POM121C: variants seen among roughly 807,000 people sequenced by gnomAD.
The protein encoded by POM121C is nuclear envelope pore membrane protein POM 121C.
Under a neutral mutation model 66.4 loss-of-function variants are expected in POM121C, and 20 were observed. That is an observed-to-expected ratio of 0.30 (90% CI 0.21 to 0.44). The LOEUF (loss-of-function observed/expected upper bound fraction) is 0.44. Among genes scored for constraint, POM121C ranks in the 20% least tolerant of loss-of-function variants. The pLI is 1.00. For synonymous variants in POM121C, 286 were observed against 528.0 expected (o/e 0.54, Z 6.28); for missense variants, 580 against 1,225.7 (o/e 0.47, Z 7.87).
At chr7:75,476,619 C>T (rs190142816) in intron 1 of POM121C, among the ~76,000 whole-genome samples, 56 of 152,002 alleles carry the variant, frequency 3.7e-4, no homozygotes, top group Middle Eastern at 3.4e-3. Context: ...ATAAAATCAC[C>T]GAGAGAGAGT....
At chr7:75,484,466 C>T in intron 1 of POM121C, 1 of 315,164 alleles carries the variant, frequency 3.2e-6, no homozygotes, top group Non-Finnish European at 5.9e-6. Context: ...AGTGATCCGC[C>T]TGCCTGGGCC....
chr7:75,447,439 A>C (rs1198660185), intron 3 of POM121C, among the ~76,000 whole-genome samples: 4 of 149,696 alleles, frequency 2.7e-5, no homozygotes, highest in Non-Finnish European at 5.9e-5. Flanking sequence ...AAAATAGTAC[A>C]TGTTATTTTA....
chr7:75,444,419 CAG>C (rs1231128943), intron 3 of POM121C, among the ~76,000 whole-genome samples: 12 of 150,016 alleles, frequency 8.0e-5, no homozygotes, highest in African/African-American at 2.0e-4. Context: ...ACCTGGGTAA[CAG>C]GGGAAGAAGA....
intron 7 of POM121C, 49 bp downstream of exon 7, chr7:75,437,466 T>A: frequency 1.3e-6 from 2 of 1,574,048 alleles, no homozygotes; most frequent in Non-Finnish European, 8.7e-7. Flanking sequence ...AATCAATGAA[T>A]GAACGCTGGG....
rs10690558 is a variant in POM121C, at chr7:75,484,662, CAA to C, written c.-458+1200_-458+1201del. 4.1e-4 allele frequency among the ~76,000 whole-genome samples: 20 copies of C among 48,660 alleles called. No individual in the cohort carries two copies. In the South Asian group the frequency reaches 9.4e-3, roughly 23 times the overall value. The allele number at this position is 48,660 out of a possible 152,430, so 31.9% of individuals were successfully genotyped here. ...CCAGACTGGGTGAGAGACACTGTCT[CAA>C]AAAAAAAAAAAAAAAAAAAAAGAGT... On this transcript the variant is annotated intron_variant, in intron 1 of 14. Transcript: ENST00000615331.
chr7:75,423,607 C>G (rs1372303955), intron 12 of POM121C, among the ~76,000 whole-genome samples: 1 of 151,718 alleles, frequency 6.6e-6, no homozygotes, highest in African/African-American at 2.4e-5. Context: ...CCCAGGTTAC[C>G]GTCTGATAAA....
intron 7 of POM121C, among the ~76,000 whole-genome samples, chr7:75,430,426 G>A (rs1184178604): frequency 2.0e-5 from 3 of 152,148 alleles, no homozygotes; most frequent in Non-Finnish European, 4.4e-5. Context: ...TTCAATAAAT[G>A]TTGCTGAGAG....
chr7:75,469,091 G>C (rs587719236), intron 3 of POM121C, among the ~76,000 whole-genome samples: 30 of 151,774 alleles, frequency 2.0e-4, no homozygotes, highest in African/African-American at 7.2e-4. Flanking sequence ...AAATCTTTTG[G>C]GTCTACTTTC....
chr7:75,450,277 G>A (rs1246977826), intron 3 of POM121C, among the ~76,000 whole-genome samples: 1 of 151,592 alleles, frequency 6.6e-6, no homozygotes, highest in African/African-American at 2.4e-5. Context: ...AGGAAAGCTG[G>A]GGAGAATTCC....
At chr7:75,457,206 T>C (rs1452026974) in intron 3 of POM121C, among the ~76,000 whole-genome samples, 1 of 136,460 alleles carries the variant, frequency 7.3e-6, no homozygotes, top group Non-Finnish European at 1.6e-5. Context: ...AATAAATAAA[T>C]ACATGAAGCA....
chr7:75,470,543 G>A (rs1368927175), intron 3 of POM121C, among the ~76,000 whole-genome samples: 1 of 152,014 alleles, frequency 6.6e-6, no homozygotes, highest in Non-Finnish European at 1.5e-5. Context: ...ACTGCAACCT[G>A]AGAACTCTGA....
At chr7:75,421,084 C>G (rs587625046) in intron 13 of POM121C, 62 of 303,362 alleles carry the variant, frequency 2.0e-4, no homozygotes, top group African/African-American at 7.3e-4. Flanking sequence ...AAACATTCTT[C>G]TGCCTCAGCC....
At chr7:75,480,910 G>C (rs1489423191) in intron 1 of POM121C, among the ~76,000 whole-genome samples, 2 of 151,798 alleles carry the variant, frequency 1.3e-5, no homozygotes, top group East Asian at 3.9e-4. Context: ...TAAATTTCCT[G>C]AATTCAATTA....
At chr7:75,431,322 G>A (rs1305196251) in intron 7 of POM121C, among the ~76,000 whole-genome samples, 3 of 151,920 alleles carry the variant, frequency 2.0e-5, no homozygotes, top group African/African-American at 7.3e-5. Context: ...ATATAAACCG[G>A]GCTGGGTGCA....
At chr7:75,462,994 C>T (rs1343191801) in intron 3 of POM121C, among the ~76,000 whole-genome samples, 2 of 152,074 alleles carry the variant, frequency 1.3e-5, no homozygotes, top group African/African-American at 4.8e-5. Context: ...TCTCCATCCT[C>T]CCTGCAGGCA....
chr7:75,472,102 GGTCTC>G (rs1791902529), intron 3 of POM121C, among the ~76,000 whole-genome samples: 1 of 151,700 alleles, frequency 6.6e-6, no homozygotes, highest in African/African-American at 2.4e-5. Context: ...TTGCCAGGAT[GGTCTC>G]GATCTCCTGA....
At chr7:75,427,445 AAAAAAC>A (rs1205575531) in intron 7 of POM121C, among the ~76,000 whole-genome samples, 26 of 148,456 alleles carry the variant, frequency 1.8e-4, no homozygotes, top group African/African-American at 5.0e-4. Flanking sequence ...AAAAAGAAAC[AAAAAAC>A]AAAAACAAAA....
chr7:75,448,875 C>G (rs1445028067), intron 3 of POM121C, among the ~76,000 whole-genome samples: 11 of 149,136 alleles, frequency 7.4e-5, no homozygotes, highest in African/African-American at 2.7e-4. Flanking sequence ...CAAATGAATG[C>G]TGAATCAAGA....
rs1789568604 is a variant in POM121C, at chr7:75,418,648, C to T, written c.*148G>A. On this transcript the variant is annotated 3_prime_UTR_variant, in exon 15 of 15. Coordinates refer to ENST00000615331, the MANE Select transcript of POM121C (RefSeq NM_001099415.3). Reference sequence around the variant, plus strand: ...GCTTCCTCCAGAAGGGAAAGGGCCCCAGGGCTGCCACTGCCCCCTGGCGGC... The same window carrying T: ...GCTTCCTCCAGAAGGGAAAGGGCCCTAGGGCTGCCACTGCCCCCTGGCGGC... 1.5e-6 allele frequency: 2 copies of T among 1,376,302 alleles called. No homozygotes were observed. The highest frequency in any genetic ancestry group is 1.5e-5 in the African/African-American group (1 of 67,430). The allele number at this position is 1,376,302 out of a possible 1,614,324, so 85.3% of individuals were successfully genotyped here.
Sources: gnomAD v4.1 joint callset for allele counts (sites outside exome capture counted in the v4.1 genomes callset) on GRCh38, gnomAD v4.1.1 for gene constraint, MANE v1.5 for transcripts, NCBI Gene and HGNC (gene_info 2026-07-23, HGNC 2026-07-21) for gene names.